The following EVL variants were observed in gnomAD, a reference collection of about 807,000 sequenced individuals.
EVL encodes Enah/Vasp-like.
In EVL, 21 loss-of-function variants were observed where a neutral mutation model predicts 59.6. The observed-to-expected ratio is 0.35, with a 90% confidence interval of 0.25 to 0.51. EVL has a LOEUF of 0.51. EVL is among the 20% of genes least tolerant of loss of function. EVL has a pLI of 0.97. For missense variants in EVL, 462 were observed against 546.6 expected (o/e 0.85, Z 1.54); for synonymous variants, 198 against 203.5 (o/e 0.97, Z 0.23).
At chr14:100,043,843 G>C (rs1450571966) in intron 1 of EVL, among the ~76,000 whole-genome samples, 1 of 151,916 alleles carries the variant, frequency 6.6e-6, no homozygotes, top group Non-Finnish European at 1.5e-5. Flanking sequence ...AGAACTCCTG[G>C]GCTCAAGCGA....
chr14:100,043,285 GTA>G (rs201664616), intron 1 of EVL, among the ~76,000 whole-genome samples: 5,822 of 151,188 alleles, frequency 0.039, 419 homozygotes, highest in African/African-American at 0.13. Flanking sequence ...ATGTGTGTGT[GTA>G]TATATATGTG....
chr14:100,042,750 A>G (rs994999643), intron 1 of EVL, among the ~76,000 whole-genome samples: 7 of 152,222 alleles, frequency 4.6e-5, no homozygotes, highest in Admixed American at 3.9e-4. Flanking sequence ...GTGGAGGCTA[A>G]AGCCACTCCA....
intron 3 of EVL, among the ~76,000 whole-genome samples, chr14:100,119,399 C>T (rs919310355): frequency 2.0e-5 from 3 of 152,170 alleles, no homozygotes; most frequent in African/African-American, 4.8e-5. Flanking sequence ...CTGGGGCCAG[C>T]GTCACAAACC....
intron 3 of EVL, among the ~76,000 whole-genome samples, chr14:100,105,520 C>T (rs1595186277): frequency 6.6e-6 from 1 of 151,606 alleles, no homozygotes; most frequent in South Asian, 2.1e-4. Context: ...GCAAGGCGCC[C>T]TTCAGGGTGC....
intron 1 of EVL, among the ~76,000 whole-genome samples, chr14:100,050,114 C>A (rs1248009355): frequency 6.6e-6 from 1 of 152,160 alleles, no homozygotes; most frequent in Non-Finnish European, 1.5e-5. Context: ...AATTGTAAAT[C>A]CAACAACTCC....
chr14:100,136,034 C>T (rs891050080), intron 9 of EVL, 66 bp downstream of exon 9: 13 of 1,554,570 alleles, frequency 8.4e-6, no homozygotes, highest in Admixed American at 3.3e-5. Context: ...GGGGACCCTT[C>T]GGACAGGACC....
At chr14:99,995,621 T>A (rs1031533831) in intron 1 of EVL, among the ~76,000 whole-genome samples, 9 of 152,234 alleles carry the variant, frequency 5.9e-5, no homozygotes, top group Non-Finnish European at 1.3e-4. Flanking sequence ...ATTTAACTTG[T>A]GGTTTTGATT....
upstream of EVL, chr14:100,065,284 G>GAAAAT: frequency 3.1e-6 from 1 of 317,954 alleles, no homozygotes; most frequent in Non-Finnish European, 5.4e-6. Flanking sequence ...TGCAGTGTTA[G>GAAAAT]CTTCTTGTTT....
upstream of EVL, among the ~76,000 whole-genome samples, chr14:100,060,895 T>C (rs1037123477): frequency 2.6e-5 from 4 of 151,118 alleles, no homozygotes; most frequent in African/African-American, 4.9e-5. Context: ...ATACATTATA[T>C]GTGAATGATG....
At chr14:100,141,102 TGAGCGGGGCCTCTGCACAGCCA>T in intron 11 of EVL, 56 bp from the exon 12 acceptor site, 1 of 1,439,902 alleles carries the variant, frequency 6.9e-7, no homozygotes, top group South Asian at 1.2e-5. Context: ...GGGCCCAGCC[TGAGCGGGGCCTCTGCACAGCCA>T]GCTTTCCCCC....
At chr14:100,135,775 TG>T in intron 8 of EVL, 129 bp from the exon 9 acceptor site, 1 of 806,414 alleles carries the variant, frequency 1.2e-6, no homozygotes, top group Non-Finnish European at 2.0e-6. Context: ...TTTAATGTTT[TG>T]CTAATTATAA....
intron 1 of EVL, among the ~76,000 whole-genome samples, chr14:100,042,060 T>A (rs2061475526): frequency 6.6e-6 from 1 of 152,230 alleles, no homozygotes; most frequent in Admixed American, 6.5e-5. Context: ...CATATTAATT[T>A]AAAAAATATA....
At chr14:100,095,164 G>A (rs1409607830) in intron 2 of EVL, among the ~76,000 whole-genome samples, 1 of 152,202 alleles carries the variant, frequency 6.6e-6, no homozygotes, top group Non-Finnish European at 1.5e-5. Flanking sequence ...GGAGACAGTA[G>A]TCGTGAGACA....
intron 1 of EVL, among the ~76,000 whole-genome samples, chr14:100,014,147 A>G (rs1252849843): frequency 6.6e-6 from 1 of 152,152 alleles, no homozygotes; most frequent in African/African-American, 2.4e-5. Context: ...TTCTAACTCT[A>G]TTTTAATAGA....
At chr14:100,066,837 A>G (rs1779896336) in intron 1 of EVL, among the ~76,000 whole-genome samples, 1 of 152,216 alleles carries the variant, frequency 6.6e-6, no homozygotes, top group African/African-American at 2.4e-5. Flanking sequence ...CTTGGAGGTG[A>G]TCTACAGTAG....
intron 1 of EVL, among the ~76,000 whole-genome samples, chr14:100,066,088 A>C (rs2061924754): frequency 1.3e-5 from 2 of 152,230 alleles, no homozygotes; most frequent in South Asian, 4.2e-4. Flanking sequence ...TAAAGGTGAG[A>C]TTACATTTTG....
At chr14:99,989,091 T>C (rs2060859174) in intron 1 of EVL, among the ~76,000 whole-genome samples, 1 of 152,208 alleles carries the variant, frequency 6.6e-6, no homozygotes, top group Non-Finnish European at 1.5e-5. Flanking sequence ...AAAAAATCTG[T>C]TCCTCAGTAA....
chr14:100,143,620 C>T (rs61984559), intron 13 of EVL, 81 bp from the exon 14 acceptor site: 35,063 of 1,565,134 alleles, frequency 0.022, 494 homozygotes, highest in African/African-American at 0.039. Flanking sequence ...GGCAGGTCCA[C>T]GCCAGGGGTG....
intron 2 of EVL, among the ~76,000 whole-genome samples, chr14:100,095,934 G>A (rs771769645): frequency 6.6e-6 from 1 of 152,140 alleles, no homozygotes; most frequent in African/African-American, 2.4e-5. Context: ...TGCCATATTG[G>A]CCAGGCTGAT....
Sources: gnomAD v4.1 joint callset for allele counts (sites outside exome capture counted in the v4.1 genomes callset) on GRCh38, gnomAD v4.1.1 for gene constraint, MANE v1.5 for transcripts, NCBI Gene and HGNC (gene_info 2026-07-23, HGNC 2026-07-21) for gene names.